The following PTPRT variants were observed in gnomAD, a reference collection of about 807,000 sequenced individuals.
PTPRT encodes the protein receptor-type tyrosine-protein phosphatase T.
In PTPRT, 56 loss-of-function variants were observed where a neutral mutation model predicts 176.8. That is an observed-to-expected ratio of 0.32 (90% CI 0.26 to 0.40). The LOEUF is 0.40. PTPRT is among the 10% of genes least tolerant of loss of function. The pLI is 1.00. For synonymous variants in PTPRT, 783 were observed against 739.0 expected, an observed-to-expected ratio of 1.06 and a Z score of -0.96; for missense variants, 1,540 against 1,908.2, an observed-to-expected ratio of 0.81 and a Z score of 3.60.
At chr20:42,800,869 G>A (rs1300149896) in intron 2 of PTPRT, among the ~76,000 whole-genome samples, 3 of 152,128 alleles carry the variant, frequency 2.0e-5, no homozygotes, top group African/African-American at 7.2e-5. Flanking sequence ...CCAGGGCTGG[G>A]AGAGACATCA....
intron 1 of PTPRT, among the ~76,000 whole-genome samples, chr20:43,070,957 T>A: frequency 7.6e-6 from 1 of 132,098 alleles, no homozygotes; most frequent in Non-Finnish European, 1.6e-5. Context: ...CCCTAGAACT[T>A]AAAGTATAAT....
At chr20:42,719,182 T>C (rs2076270153) in intron 6 of PTPRT, among the ~76,000 whole-genome samples, 1 of 152,188 alleles carries the variant, frequency 6.6e-6, no homozygotes, top group Non-Finnish European at 1.5e-5. Context: ...CAACAGCTAG[T>C]TAATCGTAAG....
intron 9 of PTPRT, among the ~76,000 whole-genome samples, chr20:42,415,546 C>T (rs780212419): frequency 6.6e-6 from 1 of 152,114 alleles, no homozygotes; most frequent in Admixed American, 6.6e-5. Flanking sequence ...CATTGTTCTC[C>T]TGCATGGTAG....
At chr20:42,118,081 G>C (rs953633965) in intron 21 of PTPRT, among the ~76,000 whole-genome samples, 4 of 152,200 alleles carry the variant, frequency 2.6e-5, no homozygotes, top group African/African-American at 7.2e-5. Context: ...TGACAGCAGA[G>C]GAGAAGAACA....
chr20:42,362,497 T>A (rs1845739714), intron 9 of PTPRT, among the ~76,000 whole-genome samples: 1 of 150,874 alleles, frequency 6.6e-6, no homozygotes, highest in African/African-American at 2.4e-5. Context: ...ATTAAAAAAA[T>A]AATAAAGACT....
chr20:43,159,537 C>T (rs1009027473), intron 1 of PTPRT, among the ~76,000 whole-genome samples: 13 of 152,210 alleles, frequency 8.5e-5, no homozygotes, highest in Admixed American at 2.0e-4. Flanking sequence ...TGATGCCTGC[C>T]ACATGGAATT....
intron 7 of PTPRT, among the ~76,000 whole-genome samples, chr20:42,567,341 A>C (rs1232558577): frequency 6.6e-6 from 1 of 152,096 alleles, no homozygotes; most frequent in African/African-American, 2.4e-5. Context: ...AGCTGTATTG[A>C]GCCATTGTGC....
chr20:42,986,669 G>A (rs914259797), intron 1 of PTPRT, among the ~76,000 whole-genome samples: 2 of 152,178 alleles, frequency 1.3e-5, no homozygotes, highest in Non-Finnish European at 2.9e-5. Context: ...TCTTCCATGC[G>A]TCACTCACTG....
intron 16 of PTPRT, among the ~76,000 whole-genome samples, chr20:42,189,104 C>T (rs1010352093): frequency 6.6e-6 from 1 of 152,160 alleles, no homozygotes; most frequent in Non-Finnish European, 1.5e-5. Flanking sequence ...TCCAAGGAGG[C>T]TCCAGCTACC....
chr20:42,244,379 A>T (rs895791925), intron 14 of PTPRT, among the ~76,000 whole-genome samples: 1 of 152,228 alleles, frequency 6.6e-6, no homozygotes, highest in Non-Finnish European at 1.5e-5. Context: ...TTCCATTTGG[A>T]CAGACAAGGA....
the PTPRT span, among the ~76,000 whole-genome samples, chr20:42,046,778 A>AGTGTGTGTGTGTGTGTGT: frequency 6.6e-6 from 1 of 150,706 alleles, no homozygotes; most frequent in Non-Finnish European, 1.5e-5. Context: ...TTGTCATGTG[A>AGTGTGTGTGTGTGTGTGT]GTGTGTGTGT....
At chr20:42,826,231 G>C (rs2077990459) in intron 2 of PTPRT, among the ~76,000 whole-genome samples, 1 of 152,108 alleles carries the variant, frequency 6.6e-6, no homozygotes, top group Admixed American at 6.5e-5. Flanking sequence ...CCACAGCCAG[G>C]TTACACATAC....
the PTPRT span, among the ~76,000 whole-genome samples, chr20:42,057,956 A>G: frequency 6.6e-6 from 1 of 152,224 alleles, no homozygotes; most frequent in South Asian, 2.1e-4. Flanking sequence ...ACAATTAGGG[A>G]AAGTCATAGA....
chr20:43,183,957 A>G (rs1331813956), intron 1 of PTPRT, among the ~76,000 whole-genome samples: 1 of 152,236 alleles, frequency 6.6e-6, no homozygotes, highest in Non-Finnish European at 1.5e-5. Flanking sequence ...ATGCTGCTAC[A>G]AACATTCATG....
chr20:42,086,228 T>G (rs1473793779), intron 27 of PTPRT, among the ~76,000 whole-genome samples: 2 of 152,154 alleles, frequency 1.3e-5, no homozygotes, highest in African/African-American at 4.8e-5. Context: ...TGTGAGCCAC[T>G]GTGCCCAGCC....
intron 12 of PTPRT, among the ~76,000 whole-genome samples, chr20:42,299,641 C>CTTT (rs34045854): frequency 0.03 from 2,586 of 85,964 alleles, 317 homozygotes; most frequent in African/African-American, 0.1. Flanking sequence ...GAACTTTTGC[C>CTTT]TTTTTTTTTT....
intron 7 of PTPRT, among the ~76,000 whole-genome samples, chr20:42,660,635 T>C (rs1181718264): frequency 1.3e-5 from 2 of 152,190 alleles, no homozygotes; most frequent in Non-Finnish European, 2.9e-5. Context: ...CACATTTGTC[T>C]CCACAACATT....
At chr20:42,058,982 G>A in the PTPRT span, among the ~76,000 whole-genome samples, 2 of 152,326 alleles carry the variant, frequency 1.3e-5, no homozygotes, top group Non-Finnish European at 2.9e-5. Flanking sequence ...ATCACCTGGG[G>A]AGGGGTTAAA....
chr20:42,866,702 A>G (rs1434640921), intron 2 of PTPRT, among the ~76,000 whole-genome samples: 1 of 152,140 alleles, frequency 6.6e-6, no homozygotes, highest in East Asian at 1.9e-4. Context: ...ATCTCATCCT[A>G]TGCCACATGA....
Sources: allele counts gnomAD v4.1 joint callset (sites outside exome capture counted in the v4.1 genomes callset), GRCh38; gene constraint gnomAD v4.1.1; transcripts MANE v1.5; gene names NCBI Gene and HGNC (gene_info 2026-07-23, HGNC 2026-07-21).